CSMD2: variants seen among roughly 807,000 people sequenced by gnomAD.
The protein encoded by CSMD2 is CUB and sushi domain-containing protein 2.
A neutral mutation model predicts 398.5 loss-of-function variants in CSMD2; 130 were observed. The observed-to-expected ratio is 0.33, with a 90% CI of 0.28 to 0.38. The LOEUF (loss-of-function observed/expected upper bound fraction) is 0.38. Among genes scored for constraint, CSMD2 ranks in the 10% least tolerant of loss-of-function variants. The pLI, the probability that CSMD2 is intolerant of heterozygous loss-of-function variation, is 1.00. For synonymous variants in CSMD2, 1,828 were observed against 1,908.5 expected (o/e 0.96, Z 1.10); for missense variants, 3,829 against 4,764.9 (o/e 0.80, Z 5.78).
chr1:34,104,209 T>C (rs1660299485), intron 1 of CSMD2, among the ~76,000 whole-genome samples: 1 of 152,230 alleles, frequency 6.6e-6, no homozygotes, highest in Non-Finnish European at 1.5e-5. Context: ...TATTTTTTTC[T>C]AACTGGTTTT....
At chr1:33,762,282 C>T (rs529004989) in intron 13 of CSMD2, among the ~76,000 whole-genome samples, 43 of 152,234 alleles carry the variant, frequency 2.8e-4, no homozygotes, top group Non-Finnish European at 5.9e-4. Context: ...CTCTGTTGGC[C>T]TCCACAGCTC....
At chr1:33,751,488 T>C (rs1405741344) in intron 13 of CSMD2, among the ~76,000 whole-genome samples, 1 of 152,108 alleles carries the variant, frequency 6.6e-6, no homozygotes, top group Non-Finnish European at 1.5e-5. Context: ...GAAATCAGAA[T>C]GGAGTGGGGT....
chr1:33,543,089 T>C (rs1380357066), intron 57 of CSMD2, among the ~76,000 whole-genome samples, 193 bp from the exon 58 acceptor site: 1 of 152,252 alleles, frequency 6.6e-6, no homozygotes, highest in Non-Finnish European at 1.5e-5. Context: ...TTTTGAAATT[T>C]CTGAGCAAAT....
chr1:33,997,568 A>C, intron 3 of CSMD2, among the ~76,000 whole-genome samples: 1 of 152,168 alleles, frequency 6.6e-6, no homozygotes, highest in East Asian at 1.9e-4. Flanking sequence ...CCCACCAGGC[A>C]AATTCTTGCT....
At chr1:33,634,193 G>C (rs941392994) in intron 31 of CSMD2, among the ~76,000 whole-genome samples, 1 of 152,226 alleles carries the variant, frequency 6.6e-6, no homozygotes, top group South Asian at 2.1e-4. Context: ...TCTGGGGCAG[G>C]AGTGGGTGTA....
rs78646637 is a variant in CSMD2 at position 33,787,921 on chromosome 1, C to T, written c.1663+679G>A. ...CAGTGGTGTTTATCTGTTCCTAGCC[C>T]TATGCACAGAGTCACTCATTCATCA... On this transcript the variant is annotated intron_variant, in intron 12 of 70. Transcript: ENST00000373381. Among the ~76,000 whole-genome samples, 637 of 152,250 alleles carry T rather than the reference C, an allele frequency of 4.2e-3. 2 individuals carry two copies. The highest frequency in any genetic ancestry group is 0.015 in the African/African-American group (605 of 41,546).
intron 12 of CSMD2, among the ~76,000 whole-genome samples, chr1:33,777,581 C>T (rs113577863): frequency 6.6e-6 from 1 of 152,228 alleles, no homozygotes; most frequent in Non-Finnish European, 1.5e-5. Flanking sequence ...TGCAAATAGA[C>T]AAATGGATTT....
chr1:34,153,813 C>T (rs1022843633), intron 1 of CSMD2, among the ~76,000 whole-genome samples: 3 of 152,142 alleles, frequency 2.0e-5, no homozygotes, highest in Non-Finnish European at 4.4e-5. Context: ...GGAGTGGGCC[C>T]ATGGGACCCC....
intron 44 of CSMD2, 86 bp downstream of exon 44, chr1:33,600,778 TG>T (rs927777641): frequency 1.4e-6 from 2 of 1,396,592 alleles, no homozygotes; most frequent in Non-Finnish European, 2.0e-6. Context: ...CAAGGTCACA[TG>T]ATCCGCAAAT....
chr1:33,583,388 C>G (rs1407225278), intron 47 of CSMD2, among the ~76,000 whole-genome samples: 1 of 152,210 alleles, frequency 6.6e-6, no homozygotes, highest in East Asian at 1.9e-4. Flanking sequence ...CTGACATGAA[C>G]AGGAATGGCT....
intron 5 of CSMD2, among the ~76,000 whole-genome samples, chr1:33,900,147 G>A (rs1479545535): frequency 2.0e-5 from 3 of 152,220 alleles, no homozygotes; most frequent in African/African-American, 7.2e-5. Context: ...TTACAAGCTG[G>A]GAATCTGGGG....
intron 1 of CSMD2, among the ~76,000 whole-genome samples, chr1:34,141,025 T>C (rs370676751): frequency 5.9e-5 from 9 of 152,052 alleles, no homozygotes; most frequent in African/African-American, 2.2e-4. Context: ...CCTGTGAATA[T>C]AGGGCCTTTT....
chr1:33,726,605 T>A lies in CSMD2; in HGVS notation c.2449A>T (p.Ser817Cys). Residue 817 changes from serine to cysteine, a missense_variant, in exon 16 of 71, where the codon AGC becomes TGC. Transcript: ENST00000373381. ...TGGGCCTCAATCACCCAGGCACAGC[T>A]CAAGGCATCCTTGTAGAAGCCAGGC... Reference protein sequence around the residue: ...GWPGFYKDALSCAWVIEAQPG... With the variant: ...GWPGFYKDALCCAWVIEAQPG... 2 of 1,613,808 alleles carry A rather than the reference T, an allele frequency of 1.2e-6. No homozygotes were observed. The highest frequency in any genetic ancestry group is 1.7e-6 in the Non-Finnish European group (2 of 1,179,966).
rs185458124 is a variant in CSMD2 at position 33,890,221 on chromosome 1, T to C, written c.920+27873A>G. 1.8e-3 allele frequency among the ~76,000 whole-genome samples: 239 copies of C among 129,732 alleles called. 1 individual carries two copies. Among genetic ancestry groups the C allele is most frequent in the Middle Eastern group, 9.6e-3 (2 of 208 alleles). 85.1% of individuals were successfully genotyped at this position (129,732 alleles called of 152,430 possible). Reference sequence around the variant, plus strand: ...AATATATATAAAAGAATATACATATTCTTTTTCTTTCTTTTTTTTTTTTTT... The same window carrying C: ...AATATATATAAAAGAATATACATATCCTTTTTCTTTCTTTTTTTTTTTTTT... On this transcript the variant is annotated intron_variant, in intron 5 of 70. Coordinates refer to ENST00000373381, the MANE Select transcript of CSMD2 (RefSeq NM_001281956.2).
At chr1:34,146,234 C>A (rs549299052) in intron 1 of CSMD2, among the ~76,000 whole-genome samples, 1 of 152,262 alleles carries the variant, frequency 6.6e-6, no homozygotes, top group Non-Finnish European at 1.5e-5. Context: ...CAGGCACACG[C>A]CTGGCTATTA....
At chr1:34,165,720 A>C, upstream of CSMD2, 1 of 1,611,204 alleles carries the variant, frequency 6.2e-7, no homozygotes, top group Non-Finnish European at 8.5e-7. Flanking sequence ...CCAAAGAAGG[A>C]CGCGTTCCCC....
rs530952584 is a variant in CSMD2, at chr1:33,545,935, C to T, written c.9100+102G>A. Reference sequence around the variant, plus strand: ...CAGGCTGAGGGTTCAAATGGGGCCACGGTTTTTTTCTGTGAGCGCAGGTGC... The same window carrying T: ...CAGGCTGAGGGTTCAAATGGGGCCATGGTTTTTTTCTGTGAGCGCAGGTGC... On this transcript the variant is annotated intron_variant, in intron 57 of 70. Transcript: ENST00000373381. The T allele has an allele frequency of 2.4e-4, 276 of 1,151,540 alleles. 1 individual carries two copies. The highest frequency in any genetic ancestry group is 3.3e-4 in the Admixed American group (15 of 45,428). 71.3% of individuals were successfully genotyped at this position (1,151,540 alleles called of 1,614,324 possible).
chr1:33,921,320 A>G (rs1004102742), intron 4 of CSMD2, among the ~76,000 whole-genome samples: 1 of 152,208 alleles, frequency 6.6e-6, no homozygotes, highest in Non-Finnish European at 1.5e-5. Flanking sequence ...GCAGGAGGCT[A>G]TGATGTCTGA....
At position 33,633,463 on chromosome 1, in the gene CSMD2, T is replaced by G. The variant is rs750630456; in HGVS notation, c.5159A>C (p.Gln1720Pro). 1 of 1,554,596 alleles carries G rather than the reference T, an allele frequency of 6.4e-7. No homozygotes were observed. Residue 1720 changes from glutamine to proline, a missense_variant, in exon 32 of 71, where the codon CAG (glutamine) becomes CCG (proline). Transcript: ENST00000373381. This position sits in a 1 kb window ranked among gnomAD's most constrained non-coding sequence, Gnocchi z 5.0. Reference sequence around the variant, plus strand: ...GAGGGAGCTGAGGAGCCGCGAGTGCTGGCTGTGGCCGTCGTGAACCTCCAC... The same window carrying G: ...GAGGGAGCTGAGGAGCCGCGAGTGCGGGCTGTGGCCGTCGTGAACCTCCAC... ...DVVEVHDGHSQHSRLLSSLSG... is the reference protein window; with the variant it reads ...DVVEVHDGHSPHSRLLSSLSG...
Sources: allele counts gnomAD v4.1 joint callset (sites outside exome capture counted in the v4.1 genomes callset), GRCh38; gene constraint gnomAD v4.1.1; non-coding constraint Gnocchi (gnomAD v3.1); transcripts MANE v1.5; gene names NCBI Gene and HGNC (gene_info 2026-07-23, HGNC 2026-07-21).